Variants in EXPH5 observed in about 807,000 individuals in gnomAD.
EXPH5 encodes the protein exophilin 5.
A neutral mutation model predicts 41.1 loss-of-function variants in EXPH5; 42 were observed. That is an observed-to-expected ratio of 1.02 (90% CI 0.80 to 1.32). EXPH5 has a LOEUF of 1.32. EXPH5 is among the 40% of genes most tolerant of loss of function. EXPH5 has a pLI of 0.00. For synonymous variants in EXPH5, 798 were observed against 833.5 expected (o/e 0.96, Z 0.73); for missense variants, 2,298 against 2,314.5 (o/e 0.99, Z 0.15).
chr11:108,560,330 T>G (rs2094006364), intron 1 of EXPH5, among the ~76,000 whole-genome samples: 1 of 152,220 alleles, frequency 6.6e-6, no homozygotes, highest in Non-Finnish European at 1.5e-5. Flanking sequence ...AGAGTTAACT[T>G]TTGAAATAAC....
At chr11:108,596,070 C>CTGTA (rs2136135699), upstream of EXPH5, among the ~76,000 whole-genome samples, 1 of 152,148 alleles carries the variant, frequency 6.6e-6, no homozygotes, top group Admixed American at 6.5e-5. Context: ...GCATGTGCAC[C>CTGTA]TGTAGTCCCA....
At chr11:108,566,584 G>A (rs985438924) in intron 1 of EXPH5, among the ~76,000 whole-genome samples, 4 of 152,100 alleles carry the variant, frequency 2.6e-5, no homozygotes, top group African/African-American at 9.7e-5. Flanking sequence ...CGAGCATGGT[G>A]GCTCATGCCT....
chr11:108,555,043 G>A lies in EXPH5; in HGVS notation c.120-13231C>T, dbSNP rs571572060. Among the ~76,000 whole-genome samples the A allele has an allele frequency of 9.8e-5, 15 of 152,286 alleles. No individual in the cohort carries two copies. The South Asian group carries it at 2.7e-3, about 27-fold the overall frequency. On this transcript the variant is annotated intron_variant, in intron 1 of 5. Coordinates refer to ENST00000265843, the MANE Select transcript of EXPH5 (RefSeq NM_015065.3). ...AGATCCACTCCCAGATTTCTATGTC[G>A]TACTTAAATCACAGCATGATCATGA...
chr11:108,560,554 T>C (rs1012761614), intron 1 of EXPH5, among the ~76,000 whole-genome samples: 2 of 152,260 alleles, frequency 1.3e-5, no homozygotes, highest in African/African-American at 4.8e-5. Context: ...CTAAAGGTTA[T>C]CATTAGAATG....
intron 1 of EXPH5, among the ~76,000 whole-genome samples, chr11:108,581,957 G>A (rs1238071998): frequency 2.0e-5 from 3 of 152,144 alleles, no homozygotes; most frequent in Admixed American, 6.5e-5. Context: ...TGAAATAGCC[G>A]AAAAAGTTCT....
chr11:108,579,957 A>G (rs2094092824), intron 1 of EXPH5, among the ~76,000 whole-genome samples: 1 of 152,190 alleles, frequency 6.6e-6, no homozygotes, highest in Non-Finnish European at 1.5e-5. Context: ...GCTAGGAGAA[A>G]ATATAGAGGA....
At chr11:108,590,647 G>A (rs1257867988) in intron 1 of EXPH5, among the ~76,000 whole-genome samples, 1 of 151,918 alleles carries the variant, frequency 6.6e-6, no homozygotes, top group Non-Finnish European at 1.5e-5. Context: ...AAAAAAAAAT[G>A]ATTTTATTTA....
At chr11:108,569,588 T>C (rs937807120) in intron 1 of EXPH5, among the ~76,000 whole-genome samples, 2 of 152,128 alleles carry the variant, frequency 1.3e-5, no homozygotes, top group Non-Finnish European at 2.9e-5. Flanking sequence ...ATCCGCCCTC[T>C]TCAGCCTCCA....
the EXPH5 span, among the ~76,000 whole-genome samples, chr11:108,599,638 T>C: frequency 1.1e-4 from 16 of 152,238 alleles, no homozygotes; most frequent in Admixed American, 5.9e-4. Context: ...CATTTTATAG[T>C]ATTCACTCTT....
intron 1 of EXPH5, among the ~76,000 whole-genome samples, chr11:108,546,359 G>A (rs2093938272): frequency 6.6e-6 from 1 of 152,132 alleles, no homozygotes; most frequent in African/African-American, 2.4e-5. Flanking sequence ...GACCAGTCAG[G>A]ACACTTGTAG....
chr11:108,592,043 ATTC>A (rs2094128633), intron 1 of EXPH5, among the ~76,000 whole-genome samples: 1 of 152,170 alleles, frequency 6.6e-6, no homozygotes, highest in Non-Finnish European at 1.5e-5. Context: ...CAGTTCTGAA[ATTC>A]TTCTTCTGAA....
At chr11:108,533,256 T>C (rs1591703980) in intron 3 of EXPH5, among the ~76,000 whole-genome samples, 1 of 151,914 alleles carries the variant, frequency 6.6e-6, no homozygotes, top group Non-Finnish European at 1.5e-5. Context: ...CAGGCTGGAG[T>C]GCAGTGGTGC....
At chr11:108,538,644 C>G (rs1760899564) in intron 3 of EXPH5, among the ~76,000 whole-genome samples, 1 of 152,134 alleles carries the variant, frequency 6.6e-6, no homozygotes, top group South Asian at 2.1e-4. Context: ...AGGACGTGAC[C>G]AGGACGTGAC....
chr11:108,510,776 G>A lies in EXPH5; in HGVS notation c.4731C>T (p.Thr1577=), dbSNP rs1378331245. 1.2e-6 allele frequency: 2 copies of A among 1,613,954 alleles called. No homozygotes were observed. The highest frequency in any genetic ancestry group is 1.7e-5 in the Admixed American group (1 of 59,978). The change falls in exon 6 of 6, where the codon ACC becomes ACT. Residue 1577 remains threonine (T), a synonymous_variant. Transcript: ENST00000265843. Reference sequence around the variant, plus strand: ...CCCCCTTTACTAGGTCATCCAAGTTGGTTTTATTTTTGTTTCCTTCAGGAA... The same window carrying A: ...CCCCCTTTACTAGGTCATCCAAGTTAGTTTTATTTTTGTTTCCTTCAGGAA... ...PSLPEGNKNK[T]NLDDLVKGEN...
chr11:108,520,352 CA>C (rs1377745040), intron 4 of EXPH5, among the ~76,000 whole-genome samples: 1 of 151,930 alleles, frequency 6.6e-6, no homozygotes, highest in East Asian at 1.9e-4. Context: ...TCCCTGGTGC[CA>C]AAAACGGTGG....
At position 108,535,746 on chromosome 11, in the gene EXPH5, C is replaced by T. The variant is rs564668512; in HGVS notation, c.443+3278G>A. ...TATGGGTCAGGCAAATTTGGACATG[C>T]CTGAGAGTAGCTAGGTGGATCCACC... On this transcript the variant is annotated intron_variant, in intron 3 of 5. Coordinates refer to ENST00000265843, the MANE Select transcript of EXPH5 (RefSeq NM_015065.3). 2.8e-4 allele frequency among the ~76,000 whole-genome samples: 43 copies of T among 152,238 alleles called. 1 individual carries two copies. In the South Asian group the frequency reaches 8.5e-3, roughly 30 times the overall value.
intron 1 of EXPH5, among the ~76,000 whole-genome samples, chr11:108,550,526 C>T (rs538069438): frequency 6.6e-6 from 1 of 152,274 alleles, no homozygotes; most frequent in Admixed American, 6.5e-5. Context: ...CATCTGAAAT[C>T]CCATCACTTT....
chr11:108,570,087 T>C (rs2852199), intron 1 of EXPH5, among the ~76,000 whole-genome samples: 116,310 of 152,076 alleles, frequency 0.76, 44,658 homozygotes, highest in South Asian at 0.79. Flanking sequence ...AGAGAGTAAC[T>C]AGGGCCTGGC....
intron 1 of EXPH5, among the ~76,000 whole-genome samples, chr11:108,549,487 T>A (rs2093953848): frequency 6.6e-6 from 1 of 152,234 alleles, no homozygotes; most frequent in African/African-American, 2.4e-5. Context: ...CTTGCTGACC[T>A]TTGCTTGTCA....
Sources: allele counts gnomAD v4.1 joint callset (sites outside exome capture counted in the v4.1 genomes callset), GRCh38; gene constraint gnomAD v4.1.1; transcripts MANE v1.5; gene names NCBI Gene and HGNC (gene_info 2026-07-23, HGNC 2026-07-21).